The following CNTN6 variants were observed in gnomAD, a reference collection of about 807,000 sequenced individuals.
CNTN6 encodes the protein contactin-6.
Under a neutral mutation model 122.8 loss-of-function variants are expected in CNTN6, and 137 were observed. The ratio of observed to expected loss-of-function variants is 1.12; its 90% CI spans 0.97 to 1.29. The LOEUF is 1.29. Ranked by LOEUF, CNTN6 falls within the 50% of genes most tolerant of loss-of-function variation. The probability of loss-of-function intolerance (pLI) is 0.00; values close to 1 mark genes in which losing one functional copy is unlikely to be tolerated. For synonymous variants in CNTN6, 570 were observed against 426.0 expected (o/e 1.34, Z -4.16); for missense variants, 1,634 against 1,223.4 (o/e 1.34, Z -5.01).
At chr3:1,379,269 T>C (rs1049424725) in intron 17 of CNTN6, among the ~76,000 whole-genome samples, 1 of 152,220 alleles carries the variant, frequency 6.6e-6, no homozygotes, top group Non-Finnish European at 1.5e-5. Context: ...GAGACAAATT[T>C]GTCTAGTTTC....
At chr3:1,243,878 C>G (rs2094522410) in intron 4 of CNTN6, among the ~76,000 whole-genome samples, 1 of 151,846 alleles carries the variant, frequency 6.6e-6, no homozygotes, top group Non-Finnish European at 1.5e-5. Flanking sequence ...AAAAGGAAGA[C>G]TGGGAAGACT....
chr3:1,189,242 C>G (rs2093668248), intron 2 of CNTN6, among the ~76,000 whole-genome samples: 2 of 152,066 alleles, frequency 1.3e-5, no homozygotes, highest in Non-Finnish European at 2.9e-5. Context: ...TAAACCACTC[C>G]TACAATGTTT....
chr3:1,096,247 CTTTTG>C (rs1248091197), intron 1 of CNTN6, among the ~76,000 whole-genome samples: 1 of 151,510 alleles, frequency 6.6e-6, no homozygotes, highest in East Asian at 1.9e-4. Context: ...CTACATGATT[CTTTTG>C]TTGTGTGTGT....
intron 4 of CNTN6, among the ~76,000 whole-genome samples, chr3:1,238,418 A>C (rs1253972581): frequency 6.6e-6 from 1 of 152,196 alleles, no homozygotes; most frequent in East Asian, 1.9e-4. Flanking sequence ...TGCACCTAAC[A>C]CTGGTGCTCC....
chr3:1,276,397 A>G (rs1243248777), intron 4 of CNTN6, among the ~76,000 whole-genome samples: 2 of 152,194 alleles, frequency 1.3e-5, no homozygotes, highest in South Asian at 2.1e-4. Flanking sequence ...CTTTCTATGC[A>G]TGTTCCAGGT....
intron 2 of CNTN6, among the ~76,000 whole-genome samples, chr3:1,173,485 G>C (rs1575116333): frequency 1.3e-5 from 2 of 152,320 alleles, no homozygotes; most frequent in African/African-American, 2.4e-5. Context: ...AACTAATTAA[G>C]ATAAGTTAAC....
At chr3:1,375,804 A>G (rs1347827945) in intron 16 of CNTN6, among the ~76,000 whole-genome samples, 2 of 152,126 alleles carry the variant, frequency 1.3e-5, no homozygotes, top group East Asian at 1.9e-4. Context: ...ACGAAAAGGT[A>G]TATCTGAAAG....
chr3:1,168,374 C>A (rs1210086115), intron 2 of CNTN6, among the ~76,000 whole-genome samples: 5 of 148,048 alleles, frequency 3.4e-5, no homozygotes, highest in Non-Finnish European at 7.4e-5. Context: ...GAGCAGTGCA[C>A]ATCTAGTATG....
intron 5 of CNTN6, among the ~76,000 whole-genome samples, chr3:1,280,472 T>TTTTTTTTTTTG (rs1693193440): frequency 1.6e-5 from 2 of 128,038 alleles, no homozygotes; most frequent in Non-Finnish European, 1.7e-5. Context: ...TTTTTTTTTT[T>TTTTTTTTTTTG]TTTTTTTTTT....
Position 1,382,925 on chromosome 3 carries a change from A to G in CNTN6, c.2167-17A>G, listed in dbSNP as rs746839195. ...TATTTTTGCAAATACTCAGTGATTG[A>G]TCACATTCTGCCCAAGTCAATTCCA... On this transcript the variant is annotated splice_polypyrimidine_tract_variant and intron_variant, in intron 17 of 22. Transcript: ENST00000446702. 2 of 1,568,714 alleles carry G rather than the reference A, an allele frequency of 1.3e-6. No individual in the cohort carries two copies. Among genetic ancestry groups the G allele is most frequent in the Non-Finnish European group, 1.8e-6 (2 of 1,139,708 alleles).
intron 2 of CNTN6, among the ~76,000 whole-genome samples, chr3:1,216,091 C>G (rs1466327681): frequency 6.6e-6 from 1 of 151,926 alleles, no homozygotes; most frequent in Admixed American, 6.6e-5. Flanking sequence ...AGTGCATGGG[C>G]ATGACATTAT....
rs183049534 is a variant in CNTN6 at position 1,246,563 on chromosome 3, C to A, written c.358+18570C>A. Among the ~76,000 whole-genome samples the A allele has an allele frequency of 2.2e-4, 34 of 152,138 alleles. 1 individual carries two copies. Among genetic ancestry groups the A allele is most frequent in the African/African-American group, 7.9e-4 (33 of 41,522 alleles). On this transcript the variant is annotated intron_variant, in intron 4 of 22. Coordinates refer to ENST00000446702, the MANE Select transcript of CNTN6 (RefSeq NM_001289080.2). ...TGTATATACCAGAAATCAGAATTAT[C>A]GGGAAATTGGGCATGCATATGACAA... is the stretch of plus-strand genomic sequence containing the variant.
chr3:1,105,237 A>G (rs2091162230), intron 1 of CNTN6, among the ~76,000 whole-genome samples: 1 of 152,098 alleles, frequency 6.6e-6, no homozygotes, highest in African/African-American at 2.4e-5. Context: ...AGATAACAGT[A>G]TTTCAGTATT....
intron 2 of CNTN6, among the ~76,000 whole-genome samples, chr3:1,205,143 GT>G (rs2093941072): frequency 1.3e-5 from 2 of 152,090 alleles, no homozygotes; most frequent in Admixed American, 6.6e-5. Flanking sequence ...AGAGAAAGGT[GT>G]CCACAATCCG....
chr3:1,258,676 T>C (rs537036504), intron 4 of CNTN6, among the ~76,000 whole-genome samples: 139 of 152,250 alleles, frequency 9.1e-4, no homozygotes, highest in African/African-American at 3.2e-3. Context: ...TTTCTCCTCG[T>C]GTCACCTTTT....
At chr3:1,189,191 A>G in intron 2 of CNTN6, among the ~76,000 whole-genome samples, 1 of 152,156 alleles carries the variant, frequency 6.6e-6, no homozygotes, top group East Asian at 1.9e-4. Context: ...ATGTGACCCA[A>G]GTTTATAATT....
chr3:1,321,491 T>G (rs555196315), intron 7 of CNTN6, among the ~76,000 whole-genome samples, 159 bp from the exon 8 acceptor site: 2 of 151,908 alleles, frequency 1.3e-5, no homozygotes, highest in East Asian at 3.9e-4. Flanking sequence ...AATGACTGAT[T>G]GAGTGAATGG....
intron 4 of CNTN6, among the ~76,000 whole-genome samples, chr3:1,253,613 G>C (rs1387637225): frequency 6.6e-6 from 1 of 152,102 alleles, no homozygotes; most frequent in Non-Finnish European, 1.5e-5. Flanking sequence ...CAGGATGAGG[G>C]GTTGGAGGGC....
rs76098249 is a variant in CNTN6, at chr3:1,183,648, T to G, written c.55+35585T>G. Among the ~76,000 whole-genome samples, 782 of 152,316 alleles carry G rather than the reference T, an allele frequency of 5.1e-3. 9 individuals are homozygous for G. The highest frequency in any genetic ancestry group is 0.018 in the African/African-American group (728 of 41,572). ...AGAGTACTTTTTGGATTCAAATCCC[T>G]TATTCCATTTCTGGCAACCTTCCAA... On this transcript the variant is annotated intron_variant, in intron 2 of 22. Coordinates refer to ENST00000446702, the MANE Select transcript of CNTN6 (RefSeq NM_001289080.2).
Sources: allele counts gnomAD v4.1 joint callset (sites outside exome capture counted in the v4.1 genomes callset), GRCh38; gene constraint gnomAD v4.1.1; transcripts MANE v1.5; gene names NCBI Gene and HGNC (gene_info 2026-07-23, HGNC 2026-07-21).